The following DRC1 variants were observed in gnomAD, a reference collection of about 807,000 sequenced individuals.
The protein encoded by DRC1 is dynein regulatory complex protein 1.
In DRC1, 74 loss-of-function variants were observed where a neutral mutation model predicts 98.7. That is an observed-to-expected ratio of 0.75 (90% confidence interval 0.62 to 0.91). DRC1 has a LOEUF of 0.91. DRC1 is among the 40% of genes least tolerant of loss of function. The pLI is 0.00. For synonymous variants in DRC1, 336 were observed against 334.1 expected, an observed-to-expected ratio of 1.01 and a Z score of -0.06; for missense variants, 875 against 886.0, an observed-to-expected ratio of 0.99 and a Z score of 0.16.
intron 12 of DRC1, 122 bp downstream of exon 12, chr2:26,450,207 T>A: frequency 1.2e-6 from 1 of 855,650 alleles, no homozygotes; most frequent in Non-Finnish European, 1.8e-6. Context: ...CCCTGCTCCC[T>A]GTCACATCCT....
intron 2 of DRC1, among the ~76,000 whole-genome samples, chr2:26,418,893 T>A (rs1678946787): frequency 1.4e-5 from 2 of 141,718 alleles, no homozygotes; most frequent in South Asian, 4.2e-4. Flanking sequence ...TATATTATAT[T>A]ATATATATAT....
chr2:26,436,984 A>T (rs1663590312), intron 7 of DRC1, among the ~76,000 whole-genome samples: 1 of 152,168 alleles, frequency 6.6e-6, no homozygotes, highest in South Asian at 2.1e-4. Flanking sequence ...TACATCCCAT[A>T]TGGAGCTTTT....
chr2:26,439,600 G>A (rs1378109027), intron 7 of DRC1, among the ~76,000 whole-genome samples: 2 of 151,990 alleles, frequency 1.3e-5, no homozygotes, highest in East Asian at 3.9e-4. Context: ...TACCCTGGAA[G>A]GTCAAAGTGG....
chr2:26,438,622 C>G (rs1037552703), intron 7 of DRC1, among the ~76,000 whole-genome samples: 8 of 152,180 alleles, frequency 5.3e-5, no homozygotes, highest in African/African-American at 1.9e-4. Flanking sequence ...CTAATTCCCT[C>G]TGTGGCAATG....
At chr2:26,416,294 G>C (rs1678801562) in intron 2 of DRC1, among the ~76,000 whole-genome samples, 2 of 151,974 alleles carry the variant, frequency 1.3e-5, no homozygotes, top group South Asian at 4.2e-4. Flanking sequence ...CTGTCACCAG[G>C]CTGGAGTGCA....
intron 7 of DRC1, among the ~76,000 whole-genome samples, chr2:26,434,734 A>G (rs1663526642): frequency 6.6e-6 from 1 of 152,130 alleles, no homozygotes; most frequent in Non-Finnish European, 1.5e-5. Flanking sequence ...TACTAAAAAT[A>G]CAAAAAATTA....
At chr2:26,441,714 T>C (rs532685148) in intron 8 of DRC1, among the ~76,000 whole-genome samples, 6 of 152,072 alleles carry the variant, frequency 3.9e-5, no homozygotes, top group Admixed American at 2.6e-4. Flanking sequence ...GTGAAGAGAA[T>C]GGGTAAGGTA....
intron 10 of DRC1, among the ~76,000 whole-genome samples, chr2:26,447,403 ACT>A (rs757778748): frequency 6.6e-6 from 1 of 152,156 alleles, no homozygotes; most frequent in Non-Finnish European, 1.5e-5. Context: ...ACAGAGCGAG[ACT>A]CTGTCTCAAT....
intron 11 of DRC1, 60 bp from the exon 12 acceptor site, chr2:26,449,935 AC>A: frequency 6.7e-7 from 1 of 1,490,590 alleles, no homozygotes. Context: ...GCAGCTGCAG[AC>A]CCTGGGACTC....
intron 7 of DRC1, among the ~76,000 whole-genome samples, chr2:26,439,948 T>TACAC (rs201091945): frequency 1.6e-5 from 2 of 124,854 alleles, no homozygotes; most frequent in African/African-American, 6.0e-5. Context: ...CACACACACA[T>TACAC]ACACACACAC....
Position 26,440,465 on chromosome 2 carries a change from A to G in DRC1, c.976A>G (p.Arg326Gly), listed in dbSNP as rs575878889. ...LEYNLQVLKK[R>G]DEESTVIKSQ... is the part of the protein sequence containing the mutation. ...GTACAACTTGCAGGTGCTGAAGAAG[A>G]GAGATGAAGAAAGCACAGTAATTAA... Residue 326 changes from arginine to glycine, a missense_variant, in exon 8 of 17, where the codon AGA (arginine) becomes GGA (glycine). Arg to Gly is a moderately radical substitution (Grantham distance 125). Transcript: ENST00000288710. 14 of 1,613,660 alleles carry G rather than the reference A, an allele frequency of 8.7e-6. No homozygotes were observed. The highest frequency in any genetic ancestry group is 4.0e-5 in the African/African-American group (3 of 75,018).
chr2:26,432,363 G>C (rs1271833951), intron 7 of DRC1, among the ~76,000 whole-genome samples: 1 of 152,046 alleles, frequency 6.6e-6, no homozygotes, highest in African/African-American at 2.4e-5. Flanking sequence ...GCTGAGCCTG[G>C]TAGCACACAC....
At chr2:26,444,458 A>G in intron 9 of DRC1, 102 bp downstream of exon 9, 2 of 1,481,880 alleles carry the variant, frequency 1.3e-6, no homozygotes, top group Non-Finnish European at 1.8e-6. Context: ...GTCACCAGCT[A>G]TTCTGGGGCT....
chr2:26,450,617 A>T lies in DRC1; in HGVS notation c.1625A>T (p.Asp542Val), dbSNP rs201624281. 11 of 1,611,906 alleles carry T rather than the reference A, an allele frequency of 6.8e-6. No homozygotes were observed. Among genetic ancestry groups the T allele is most frequent in the Non-Finnish European group, 8.5e-6 (10 of 1,178,990 alleles). The change falls in exon 13 of 17, where the codon GAC (aspartate) becomes GTC (valine). Residue 542 changes from aspartate to valine, a missense_variant. Transcript: ENST00000288710. ...GCCCTTGGAATTGAAAGTGAGGATG[A>T]CTTGTATAAACTGGTGAACTTCTTC... Reference protein sequence around the residue: ...FSALGIESEDDLYKLVNFFLK... With the variant: ...FSALGIESEDVLYKLVNFFLK...
intron 8 of DRC1, among the ~76,000 whole-genome samples, chr2:26,441,585 G>T (rs1213451021): frequency 6.6e-6 from 1 of 152,128 alleles, no homozygotes; most frequent in African/African-American, 2.4e-5. Flanking sequence ...AATACTGGAG[G>T]GGGTGGGGAC....
At chr2:26,414,472 G>C in intron 2 of DRC1, 41 bp downstream of exon 2, 2 of 1,579,406 alleles carry the variant, frequency 1.3e-6, no homozygotes, top group Non-Finnish European at 8.7e-7. Context: ...AGACCAGTGA[G>C]CTGGGTGTGA....
At chr2:26,430,469 C>T (rs752172979) in intron 5 of DRC1, 8 of 499,340 alleles carry the variant, frequency 1.6e-5, no homozygotes, top group Non-Finnish European at 3.3e-5. Flanking sequence ...AGTTGAATTA[C>T]ACACCATGGC....
Position 26,450,002 on chromosome 2 carries a change from C to T in DRC1, c.1516C>T (p.Leu506Phe). Residue 506 changes from leucine (L) to phenylalanine (F), a missense_variant, in exon 12 of 17, where the codon CTC becomes TTC. By Grantham distance (22) the Leu-to-Phe change is conservative. Coordinates refer to ENST00000288710, the MANE Select transcript of DRC1 (RefSeq NM_145038.5). Reference sequence around the variant, plus strand: ...CCTTCTTCCTTCTCCCCAGGGGTTCCTCATAGAGAGCAAGCTGCTGAGCCT... The same window carrying T: ...CCTTCTTCCTTCTCCCCAGGGGTTCTTCATAGAGAGCAAGCTGCTGAGCCT... ...LMLLCDESGF[L>F]IESKLLSLLL... is the part of the protein sequence containing the mutation. 2 of 1,613,782 alleles carry T rather than the reference C, an allele frequency of 1.2e-6. No individual in the cohort carries two copies. Among genetic ancestry groups the T allele is most frequent in the African/African-American group, 1.3e-5 (1 of 75,032 alleles).
At chr2:26,421,806 C>T (rs1450178852) in intron 3 of DRC1, among the ~76,000 whole-genome samples, 2 of 152,124 alleles carry the variant, frequency 1.3e-5, no homozygotes, top group Admixed American at 6.6e-5. Flanking sequence ...GTGATCCACC[C>T]GCCTTGGCCT....
Sources: allele counts gnomAD v4.1 joint callset (sites outside exome capture counted in the v4.1 genomes callset), GRCh38; gene constraint gnomAD v4.1.1; transcripts MANE v1.5; gene names NCBI Gene and HGNC (gene_info 2026-07-23, HGNC 2026-07-21).